Variants in PLPP5 observed in about 807,000 individuals in gnomAD.
PLPP5 encodes the protein phospholipid phosphatase 5, also known as diacylglycerol pyrophosphate like 1.
A neutral mutation model predicts 23.6 loss-of-function variants in PLPP5; 29 were observed. The ratio of observed to expected loss-of-function variants is 1.23; its 90% CI spans 0.92 to 1.68. PLPP5 has a LOEUF of 1.68. Among genes scored for constraint, PLPP5 ranks in the 40% most tolerant of loss-of-function variants. PLPP5 has a pLI of 0.00. For synonymous variants in PLPP5, 143 were observed against 131.3 expected (o/e 1.09, Z -0.61); for missense variants, 315 against 332.1 (o/e 0.95, Z 0.40).
chr8:38,267,483 G>C, intron 4 of PLPP5, 92 bp from the exon 5 acceptor site: 1 of 1,450,474 alleles, frequency 6.9e-7, no homozygotes, highest in Non-Finnish European at 9.4e-7. Context: ...GTTAACTATT[G>C]GTCAAATAGT....
At position 38,266,312 on chromosome 8, in the gene PLPP5, C is replaced by G; in HGVS notation, c.464-1G>C. On this transcript the variant is annotated splice_acceptor_variant, in intron 5 of 6. Coordinates refer to ENST00000424479, the MANE Select transcript of PLPP5 (RefSeq NM_001102559.2). LOFTEE classifies it high-confidence loss of function. ...GCAAAGGCCAGACCAGCAAATGCAA[C>G]TGGAACAAGAAAAACTTTTAAGTGG... 6.2e-7 allele frequency: 1 copy of G among 1,609,970 alleles called. No individual in the cohort carries two copies. The highest frequency in any genetic ancestry group is 8.5e-7 in the Non-Finnish European group (1 of 1,177,816).
Position 38,268,392 on chromosome 8 carries a change from C to A in PLPP5, c.253G>T (p.Asp85Tyr), listed in dbSNP as rs1394916175. 2 of 1,570,956 alleles carry A rather than the reference C, an allele frequency of 1.3e-6. No homozygotes were observed. Among genetic ancestry groups the A allele is most frequent in the East Asian group, 2.3e-5 (1 of 42,566 alleles). ...AKFLKKADTR[D>Y]SRQACLAASL... ...TCACCCAGGCAGGCTTGTCTGCTGTCTCTTGTGTCTGCCTTCTTGAGAAAT... is the reference window on the plus strand; with the variant it reads ...TCACCCAGGCAGGCTTGTCTGCTGTATCTTGTGTCTGCCTTCTTGAGAAAT... The change falls in exon 3 of 7, where the codon GAC becomes TAC. Residue 85 changes from aspartate (D) to tyrosine (Y), a missense_variant. Transcript: ENST00000424479.
At chr8:38,266,075 G>A (rs1807536559) in intron 6 of PLPP5, 66 bp downstream of exon 6, 1 of 1,472,064 alleles carries the variant, frequency 6.8e-7, no homozygotes, top group African/African-American at 1.4e-5. Context: ...CATCTCCTCT[G>A]TGCTAGGTGC....
rs1807561594 is a variant in PLPP5, at chr8:38,266,225, T to TC, written c.549dup (p.Arg184GlufsTer22). On this transcript the variant is annotated frameshift_variant, in exon 6 of 7. Coordinates refer to ENST00000424479, the MANE Select transcript of PLPP5 (RefSeq NM_001102559.2). LOFTEE classifies it high-confidence loss of function. ...AGAGGTGACAGAAAGGCACAGAACC[T>TC]CCAAGATTTCCCACGGCCTTGTGGT... 1 of 1,613,686 alleles carries TC rather than the reference T, an allele frequency of 6.2e-7. No homozygotes were observed. Among genetic ancestry groups the TC allele is most frequent in the African/African-American group, 1.3e-5 (1 of 74,914 alleles).
rs747808388 is a variant in PLPP5 at position 38,268,923 on chromosome 8, G to A, written c.142C>T (p.Pro48Ser). 1.3e-6 allele frequency: 2 copies of A among 1,563,196 alleles called. No homozygotes were observed. The highest frequency in any genetic ancestry group is 1.2e-5 in the South Asian group (1 of 85,194). Residue 48 changes from proline (P) to serine (S), a missense_variant, in exon 2 of 7, where the codon CCC (proline) becomes TCC (serine). Transcript: ENST00000424479. ...QPEEMWLYRN[P>S]YVEAEYFPTK... ...GGGAAATACTCCGCCTCCACGTAGG[G>A]GTTCCGGTAGAGCCACATCTCCTCC...
rs1465814949 is a variant in PLPP5, at chr8:38,267,386, C to T, written c.344G>A (p.Arg115His). The change falls in exon 5 of 7, where the codon CGC (arginine) becomes CAC (histidine). Residue 115 changes from arginine to histidine, a missense_variant. Coordinates refer to ENST00000424479, the MANE Select transcript of PLPP5 (RefSeq NM_001102559.2). Reference protein sequence around the residue: ...NTIKLIVGRPRPDFFYRCFPD... With the variant: ...NTIKLIVGRPHPDFFYRCFPD... Reference sequence around the variant, plus strand: ...GAAGCAGCGGTAGAAGAAATCTGGGCGTGGCCTGGAAGAAAGCAGCATGGT... The same window carrying T: ...GAAGCAGCGGTAGAAGAAATCTGGGTGTGGCCTGGAAGAAAGCAGCATGGT... 3.1e-6 allele frequency: 5 copies of T among 1,613,212 alleles called. No individual in the cohort carries two copies. The highest frequency in any genetic ancestry group is 4.2e-6 in the Non-Finnish European group (5 of 1,179,484).
Position 38,269,002 on chromosome 8 carries a change from C to A in PLPP5, c.75-12G>T. On this transcript the variant is annotated splice_polypyrimidine_tract_variant and intron_variant, in intron 1 of 6. Coordinates refer to ENST00000424479, the MANE Select transcript of PLPP5 (RefSeq NM_001102559.2). ...GCAGCTCCGTCACCCTAGAGGGGAA[C>A]AAAGAAGCGCAGAGCAGGTCGCCTG... is the stretch of plus-strand genomic sequence containing the variant. The A allele has an allele frequency of 6.4e-7, 1 of 1,570,954 alleles. No individual in the cohort carries two copies. The highest frequency in any genetic ancestry group is 8.6e-7 in the Non-Finnish European group (1 of 1,162,994).
At position 38,267,392 on chromosome 8, in the gene PLPP5, C is replaced by T; in HGVS notation, c.339-1G>A. On this transcript the variant is annotated splice_acceptor_variant, in intron 4 of 6. Coordinates refer to ENST00000424479, the MANE Select transcript of PLPP5 (RefSeq NM_001102559.2). LOFTEE classifies it high-confidence loss of function. Reference sequence around the variant, plus strand: ...GCGGTAGAAGAAATCTGGGCGTGGCCTGGAAGAAAGCAGCATGGTTGGAAC... The same window carrying T: ...GCGGTAGAAGAAATCTGGGCGTGGCTTGGAAGAAAGCAGCATGGTTGGAAC... 1 of 1,612,886 alleles carries T rather than the reference C, an allele frequency of 6.2e-7. No individual in the cohort carries two copies. Among genetic ancestry groups the T allele is most frequent in the Non-Finnish European group, 8.5e-7 (1 of 1,179,296 alleles).
intron 6 of PLPP5, 198 bp from the exon 7 acceptor site, chr8:38,264,802 G>A: frequency 6.5e-7 from 1 of 1,527,410 alleles, no homozygotes; most frequent in African/African-American, 1.4e-5. Context: ...TTGTCAGGTT[G>A]CTTTCTGAAC....
intron 6 of PLPP5, chr8:38,265,032 G>T: frequency 1.1e-6 from 1 of 931,602 alleles, no homozygotes; most frequent in South Asian, 1.3e-5. Context: ...ACTTTGGGAG[G>T]ACCAGGCAGA....
At chr8:38,265,156 C>T (rs1807392328) in intron 6 of PLPP5, 2 of 505,018 alleles carry the variant, frequency 4.0e-6, no homozygotes, top group African/African-American at 2.0e-5. Flanking sequence ...ATCCCAGATA[C>T]TCAGGAGGCT....
Position 38,268,868 on chromosome 8 carries a change from C to A in PLPP5, c.183+14G>T. 1 of 1,544,426 alleles carries A rather than the reference C, an allele frequency of 6.5e-7. No homozygotes were observed. The highest frequency in any genetic ancestry group is 1.4e-5 in the African/African-American group (1 of 71,452). On this transcript the variant is annotated intron_variant, in intron 2 of 6. Coordinates refer to ENST00000424479, the MANE Select transcript of PLPP5 (RefSeq NM_001102559.2). Reference sequence around the variant, plus strand: ...GTCATGGGGAGGGAGGAAAGACGATCTTTCTCCACGCACAAACATCGGCTT... The same window carrying A: ...GTCATGGGGAGGGAGGAAAGACGATATTTCTCCACGCACAAACATCGGCTT...
intron 3 of PLPP5, 145 bp downstream of exon 3, chr8:38,268,226 T>G: frequency 1.9e-6 from 2 of 1,047,418 alleles, no homozygotes; most frequent in South Asian, 3.3e-5. Context: ...GTCCCTGCAG[T>G]GCTATTTTCC....
At chr8:38,266,826 G>A (rs934245955) in intron 5 of PLPP5, among the ~76,000 whole-genome samples, 1 of 152,054 alleles carries the variant, frequency 6.6e-6, no homozygotes, top group Non-Finnish European at 1.5e-5. Context: ...TATAGTTTTC[G>A]GTATACTAGC....
At chr8:38,268,613 A>G in intron 2 of PLPP5, 152 bp from the exon 3 acceptor site, 2 of 1,446,516 alleles carry the variant, frequency 1.4e-6, no homozygotes, top group South Asian at 1.5e-5. Flanking sequence ...GCCACCAGTG[A>G]ACAGCAGCGC....
chr8:38,263,513 C>G lies in PLPP5; in HGVS notation c.*931G>C. The G allele has an allele frequency of 2.0e-6, 2 of 985,392 alleles. No individual in the cohort carries two copies. The highest frequency in any genetic ancestry group is 2.4e-6 in the Non-Finnish European group (2 of 829,908). The allele number at this position is 985,392 out of a possible 1,614,324, so 61.0% of individuals were successfully genotyped here. On this transcript the variant is annotated 3_prime_UTR_variant, in exon 7 of 7. Coordinates refer to ENST00000424479, the MANE Select transcript of PLPP5 (RefSeq NM_001102559.2). ...CTGAAACCACACTCCTGACCATTTT[C>G]TTCTTTATTATTGTTTTCACTTAGT...
In PLPP5 at chr8:38,268,455, C is replaced by A; in HGVS notation, c.190G>T (p.Ala64Ser). 1 of 1,570,464 alleles carries A rather than the reference C, an allele frequency of 6.4e-7. No individual in the cohort carries two copies. Reference protein sequence around the residue: ...YFPTKPMFVIAFLSPLSLIFL... With the variant: ...YFPTKPMFVISFLSPLSLIFL... ...ATCAGAGACAGTGGAGAGAGAAATG[C>A]AATAACCTGAATCAGAATGTCAGAG... Residue 64 changes from alanine to serine, a missense_variant, in exon 3 of 7, where the codon GCA becomes TCA. Physicochemically the swap from Ala to Ser is moderately conservative, Grantham distance 99. Coordinates refer to ENST00000424479, the MANE Select transcript of PLPP5 (RefSeq NM_001102559.2).
At position 38,267,718 on chromosome 8, in the gene PLPP5, G is replaced by C. The variant is rs907269599; in HGVS notation, c.338+179C>G. 212 of 688,192 alleles carry C rather than the reference G, an allele frequency of 3.1e-4. 2 individuals carry two copies. The highest frequency in any genetic ancestry group is 9.6e-6 in the Non-Finnish European group (4 of 415,364). 42.6% of individuals were successfully genotyped at this position (688,192 alleles called of 1,614,324 possible). A position where few individuals can be genotyped will look rare whatever the true frequency, so the allele number is the denominator to read the frequency against. On this transcript the variant is annotated intron_variant, in intron 4 of 6. Transcript: ENST00000424479. Reference sequence around the variant, plus strand: ...GCTGTTCAGGCAGAAAAGAGCCCAGGTGTCACCTGGAGGACTGAGGTATGG... The same window carrying C: ...GCTGTTCAGGCAGAAAAGAGCCCAGCTGTCACCTGGAGGACTGAGGTATGG...
At position 38,268,971 on chromosome 8, in the gene PLPP5, G is replaced by C. The variant is rs759812729; in HGVS notation, c.94C>G (p.Pro32Ala). ...TCCGGCTGGATGAGTCTCTGGAACG[G>C]GGGGAGCAGCTCCGTCACCCTAGAG... ...AAFLVTELLP[P>A]FQRLIQPEEM... The change falls in exon 2 of 7, where the codon CCG becomes GCG. Residue 32 changes from proline (P) to alanine (A), a missense_variant. Transcript: ENST00000424479. 3 of 1,570,100 alleles carry C rather than the reference G, an allele frequency of 1.9e-6. No homozygotes were observed. The highest frequency in any genetic ancestry group is 2.8e-5 in the African/African-American group (2 of 70,920).
Sources: allele counts gnomAD v4.1 joint callset (sites outside exome capture counted in the v4.1 genomes callset), GRCh38; gene constraint gnomAD v4.1.1; transcripts MANE v1.5; gene names NCBI Gene and HGNC (gene_info 2026-07-23, HGNC 2026-07-21).